The following ARHGAP39 variants were observed in gnomAD, a reference collection of about 807,000 sequenced individuals.
ARHGAP39 encodes Rho GTPase activating protein 39, also known as rho GTPase-activating protein 39.
In ARHGAP39, 44 loss-of-function variants were observed where a neutral mutation model predicts 106.9. That is an observed-to-expected ratio of 0.41 (90% CI 0.32 to 0.53). The LOEUF is 0.53. Among genes scored for constraint, ARHGAP39 ranks in the 20% least tolerant of loss-of-function variants. The pLI is 0.21. For synonymous variants in ARHGAP39, 768 were observed against 693.2 expected, an observed-to-expected ratio of 1.11 and a Z score of -1.69; for missense variants, 1,496 against 1,577.3, an observed-to-expected ratio of 0.95 and a Z score of 0.87.
intron 2 of ARHGAP39, among the ~76,000 whole-genome samples, chr8:144,603,288 C>G (rs905899574): frequency 8.1e-5 from 12 of 148,476 alleles, no homozygotes; most frequent in Admixed American, 2.7e-4. Flanking sequence ...GGTGTGTGTG[C>G]GTGCTCGTGT....
At chr8:144,588,864 G>A (rs1197293866) in intron 2 of ARHGAP39, among the ~76,000 whole-genome samples, 3 of 152,268 alleles carry the variant, frequency 2.0e-5, no homozygotes, top group African/African-American at 7.2e-5. Context: ...GTGAATCGTG[G>A]TGAAGATCAG....
chr8:144,619,948 A>AAG (rs1820750865), intron 1 of ARHGAP39, among the ~76,000 whole-genome samples: 3 of 82,670 alleles, frequency 3.6e-5, no homozygotes, highest in Admixed American at 1.2e-4. Flanking sequence ...CCCTGAGAGC[A>AAG]TGTGTGCCTG....
intron 1 of ARHGAP39, among the ~76,000 whole-genome samples, chr8:144,654,577 G>A (rs770592290): frequency 2.0e-5 from 3 of 152,174 alleles, no homozygotes; most frequent in African/African-American, 4.8e-5. Flanking sequence ...CTGCCATCAC[G>A]CTGGCTGCAG....
rs547336133 is a variant in ARHGAP39 at position 144,602,029 on chromosome 8, T to C, written c.80+3506A>G. Among the ~76,000 whole-genome samples, 30 of 121,594 alleles carry C rather than the reference T, an allele frequency of 2.5e-4. No individual in the cohort carries two copies. The South Asian group carries it at 8.2e-3, about 33-fold the overall frequency. 79.8% of individuals were successfully genotyped at this position (121,594 alleles called of 152,430 possible). A position where few individuals can be genotyped will look rare whatever the true frequency, so the allele number is the denominator to read the frequency against. ...TGTGTGCATGGAGGCGTGTGTGTGC[T>C]CGTGAACCTGTGTGTGTGCGTGGAG... On this transcript the variant is annotated intron_variant, in intron 2 of 11. Coordinates refer to ENST00000377307, the MANE Select transcript of ARHGAP39 (RefSeq NM_025251.3).
chr8:144,631,669 G>C (rs1046464105), intron 1 of ARHGAP39, among the ~76,000 whole-genome samples: 2 of 152,198 alleles, frequency 1.3e-5, no homozygotes, highest in African/African-American at 4.8e-5. Flanking sequence ...CGGGGTCCCT[G>C]GTGTAAGCAC....
At chr8:144,571,751 A>G (rs1473949657) in intron 3 of ARHGAP39, among the ~76,000 whole-genome samples, 1 of 152,256 alleles carries the variant, frequency 6.6e-6, no homozygotes, top group South Asian at 2.1e-4. Context: ...ACACTGTCTC[A>G]GCCCCAAATC....
intron 1 of ARHGAP39, among the ~76,000 whole-genome samples, chr8:144,656,750 G>A (rs747872195): frequency 7.1e-6 from 1 of 141,836 alleles, no homozygotes; most frequent in Non-Finnish European, 1.5e-5. Flanking sequence ...AGAGGTTGCA[G>A]TGAGCTGAGA....
At chr8:144,588,507 G>A (rs567229073) in intron 2 of ARHGAP39, among the ~76,000 whole-genome samples, 4 of 152,346 alleles carry the variant, frequency 2.6e-5, no homozygotes, top group South Asian at 2.1e-4. Context: ...AAGAGCAGCC[G>A]TATGCAGCAG....
chr8:144,636,432 GAA>G (rs1469420424), intron 1 of ARHGAP39, among the ~76,000 whole-genome samples: 1 of 152,180 alleles, frequency 6.6e-6, no homozygotes, highest in Non-Finnish European at 1.5e-5. Context: ...AGAAGGAACA[GAA>G]AAGATGACAA....
chr8:144,546,835 TTC>T (rs1482461391), intron 5 of ARHGAP39, among the ~76,000 whole-genome samples: 3 of 152,122 alleles, frequency 2.0e-5, no homozygotes, highest in Non-Finnish European at 4.4e-5. Context: ...GCCTTCTCTG[TTC>T]TGTGTCTGGA....
At chr8:144,592,627 A>G (rs1819450039) in intron 2 of ARHGAP39, among the ~76,000 whole-genome samples, 1 of 136,218 alleles carries the variant, frequency 7.3e-6, no homozygotes, top group Non-Finnish European at 1.6e-5. Flanking sequence ...CTCCTGGGGG[A>G]CAGCACTGAG....
At chr8:144,665,609 A>T (rs1364493875) in intron 1 of ARHGAP39, among the ~76,000 whole-genome samples, 1 of 152,240 alleles carries the variant, frequency 6.6e-6, no homozygotes, top group African/African-American at 2.4e-5. Flanking sequence ...TGGCTGAAAG[A>T]GACCAACATA....
chr8:144,551,229 C>T (rs1402341960), intron 4 of ARHGAP39, among the ~76,000 whole-genome samples: 7 of 140,006 alleles, frequency 5.0e-5, no homozygotes, highest in African/African-American at 1.6e-4. Context: ...GGCTGGCAGG[C>T]GGCCGGGAGG....
intron 2 of ARHGAP39, among the ~76,000 whole-genome samples, chr8:144,597,642 T>G (rs1819672198): frequency 6.6e-6 from 1 of 152,160 alleles, no homozygotes; most frequent in South Asian, 2.1e-4. Flanking sequence ...GATTGCTGAC[T>G]TGGGTTGATA....
In ARHGAP39 at chr8:144,530,549, G is replaced by A. The variant is rs1320631722; in HGVS notation, c.3218C>T (p.Ala1073Val). ...MDVSNLAMVM[A>V]PNCLRCQSDD... is the part of the protein sequence containing the mutation. Reference sequence around the variant, plus strand: ...GGACTGGCAGCGCAAGCAGTTGGGCGCCATCACCATGGCCAGGTTGCTGAC... The same window carrying A: ...GGACTGGCAGCGCAAGCAGTTGGGCACCATCACCATGGCCAGGTTGCTGAC... Residue 1073 changes from alanine (A) to valine (V), a missense_variant, in exon 12 of 12, where the codon GCG becomes GTG. By Grantham distance (64) the Ala-to-Val change is moderately conservative. Transcript: ENST00000377307. 6.2e-7 allele frequency: 1 copy of A among 1,611,420 alleles called. No homozygotes were observed. The highest frequency in any genetic ancestry group is 8.5e-7 in the Non-Finnish European group (1 of 1,179,584).
intron 7 of ARHGAP39, 105 bp downstream of exon 7, chr8:144,537,615 AT>A: frequency 1.8e-6 from 1 of 564,726 alleles, no homozygotes; most frequent in Non-Finnish European, 3.1e-6. Context: ...TAGTGGCCCC[AT>A]CCCCCCCGCC....
At position 144,595,380 on chromosome 8, in the gene ARHGAP39, C is replaced by G. The variant is rs145655240; in HGVS notation, c.80+10155G>C. Among the ~76,000 whole-genome samples, 460 of 152,264 alleles carry G rather than the reference C, an allele frequency of 3.0e-3. 2 individuals carry two copies. Among genetic ancestry groups the G allele is most frequent in the African/African-American group, 5.2e-3 (214 of 41,540 alleles). On this transcript the variant is annotated intron_variant, in intron 2 of 11. Coordinates refer to ENST00000377307, the MANE Select transcript of ARHGAP39 (RefSeq NM_025251.3). Reference sequence around the variant, plus strand: ...TCAATCGTCTGGAGCAGGTGAATCCCACAGGACACAAAGCCGGCCCGCCGT... The same window carrying G: ...TCAATCGTCTGGAGCAGGTGAATCCGACAGGACACAAAGCCGGCCCGCCGT...
At chr8:144,553,086 C>T (rs1458316095) in intron 4 of ARHGAP39, among the ~76,000 whole-genome samples, 1 of 152,192 alleles carries the variant, frequency 6.6e-6, no homozygotes, top group Non-Finnish European at 1.5e-5. Context: ...TGTGGCAGCT[C>T]ACACCTAGGC....
chr8:144,598,310 A>G (rs1315375337), intron 2 of ARHGAP39, among the ~76,000 whole-genome samples: 1 of 151,786 alleles, frequency 6.6e-6, no homozygotes, highest in Admixed American at 6.6e-5. Flanking sequence ...GGGCTTTTCC[A>G]CGTTGTGTGT....
Sources: gnomAD v4.1 joint callset for allele counts (sites outside exome capture counted in the v4.1 genomes callset) on GRCh38, gnomAD v4.1.1 for gene constraint, MANE v1.5 for transcripts, NCBI Gene and HGNC (gene_info 2026-07-23, HGNC 2026-07-21) for gene names.